The following TTC12 variants were observed in gnomAD, a reference collection of about 807,000 sequenced individuals.
The protein encoded by TTC12 is tetratricopeptide repeat protein 12.
Under a neutral mutation model 90.1 loss-of-function variants are expected in TTC12, and 70 were observed. That is an observed-to-expected ratio of 0.78 (90% CI 0.64 to 0.95). TTC12 has a LOEUF of 0.95. Ranked by LOEUF, TTC12 falls within the 40% of genes least tolerant of loss-of-function variation. The probability of loss-of-function intolerance (pLI) is 0.00; values close to 1 mark genes in which losing one functional copy is unlikely to be tolerated. For synonymous variants in TTC12, 296 were observed against 311.5 expected, an observed-to-expected ratio of 0.95 and a Z score of 0.53; for missense variants, 819 against 846.1, an observed-to-expected ratio of 0.97 and a Z score of 0.40.
intron 21 of TTC12, chr11:113,365,622 T>G: frequency 5.6e-6 from 1 of 177,402 alleles, no homozygotes; most frequent in African/African-American, 2.3e-5. Context: ...CCATGGCTTC[T>G]CTGTTAGCTC....
intron 11 of TTC12, 84 bp downstream of exon 11, chr11:113,340,817 C>T: frequency 8.3e-7 from 1 of 1,199,356 alleles, no homozygotes. Context: ...GGCACATAGA[C>T]AGTCACGTTT....
chr11:113,358,403 G>A (rs1313039556), intron 16 of TTC12, among the ~76,000 whole-genome samples: 1 of 152,154 alleles, frequency 6.6e-6, no homozygotes, highest in Non-Finnish European at 1.5e-5. Context: ...GCTCTCCACT[G>A]GTCAGGCATG....
At chr11:113,339,767 T>C (rs1462171662) in intron 10 of TTC12, among the ~76,000 whole-genome samples, 2 of 152,090 alleles carry the variant, frequency 1.3e-5, no homozygotes, top group African/African-American at 4.8e-5. Context: ...TGCACTCAGC[T>C]TTCACTCACT....
intron 13 of TTC12, 66 bp from the exon 14 acceptor site, chr11:113,350,007 G>A (rs555852868): frequency 2.3e-6 from 3 of 1,319,096 alleles, no homozygotes; most frequent in African/African-American, 2.9e-5. Context: ...TCCTTGCAAG[G>A]TTACCCTGTT....
intron 12 of TTC12, among the ~76,000 whole-genome samples, chr11:113,342,979 CTTAAAG>C (rs1948762165): frequency 6.6e-6 from 1 of 152,172 alleles, no homozygotes; most frequent in African/African-American, 2.4e-5. Context: ...TTCTGTGAAC[CTTAAAG>C]TTACATTTTT....
At chr11:113,373,082 C>T (rs1298472417) in intron 21 of TTC12, 2 of 443,718 alleles carry the variant, frequency 4.5e-6, no homozygotes, top group African/African-American at 4.3e-5. Context: ...GGTTTCAGAT[C>T]TGTCTAATGA....
At chr11:113,362,816 C>T (rs144674756) in intron 19 of TTC12, among the ~76,000 whole-genome samples, 18 of 152,182 alleles carry the variant, frequency 1.2e-4, no homozygotes, top group Non-Finnish European at 2.5e-4. Context: ...CTTTCTGTAA[C>T]GTTTCTCAGG....
chr11:113,335,000 TG>T lies in TTC12; in HGVS notation c.542del (p.Gly181GlufsTer7). On this transcript the variant is annotated frameshift_variant, in exon 8 of 22. Transcript: ENST00000529221. LOFTEE classifies it high-confidence loss of function. ...AAATGCACAAAAGCATATTTTCACA[TG>T]GGAAAAGCCAACCTGGCCCTGAAGA... The part of the protein sequence containing the change: ...DEKCTKAYFH[M>X]GKANLALKNY... 1 of 1,614,004 alleles carries T rather than the reference TG, an allele frequency of 6.2e-7. No homozygotes were observed. Among genetic ancestry groups the T allele is most frequent in the Non-Finnish European group, 8.5e-7 (1 of 1,179,880 alleles).
intron 7 of TTC12, among the ~76,000 whole-genome samples, chr11:113,334,118 A>G (rs1201342277): frequency 6.6e-6 from 1 of 152,202 alleles, no homozygotes; most frequent in Non-Finnish European, 1.5e-5. Context: ...ACCCCGGGAC[A>G]TTTTAGACTC....
intron 16 of TTC12, among the ~76,000 whole-genome samples, chr11:113,356,203 T>C (rs1182191134): frequency 6.6e-6 from 1 of 152,248 alleles, no homozygotes; most frequent in Non-Finnish European, 1.5e-5. Flanking sequence ...ATCCCTTCTT[T>C]GTCTTTTTTG....
downstream of TTC12, among the ~76,000 whole-genome samples, chr11:113,369,412 T>G: frequency 1.4e-5 from 2 of 142,504 alleles, no homozygotes; most frequent in South Asian, 2.3e-4. Context: ...CGAGCCACCA[T>G]GCCCGCCCCC....
At chr11:113,325,690 G>A (rs1445848797) in intron 6 of TTC12, 45 bp downstream of exon 6, 17 of 1,604,970 alleles carry the variant, frequency 1.1e-5, no homozygotes, top group Non-Finnish European at 1.4e-5. Flanking sequence ...TCAGGGAATA[G>A]TTGCCACTAA....
chr11:113,334,806 C>G, intron 7 of TTC12, 160 bp from the exon 8 acceptor site: 1 of 566,166 alleles, frequency 1.8e-6, no homozygotes. Context: ...TTGCAGGCAT[C>G]AATTAGTTTG....
intron 20 of TTC12, 159 bp from the exon 21 acceptor site, chr11:113,364,676 A>G (rs1050070910): frequency 6.3e-6 from 4 of 635,036 alleles, no homozygotes; most frequent in Admixed American, 4.8e-5. Flanking sequence ...ATATGCATTC[A>G]GTGAATGTTT....
chr11:113,368,499 C>A (rs926411606), downstream of TTC12: 1 of 1,550,048 alleles, frequency 6.5e-7, no homozygotes, highest in Non-Finnish European at 8.7e-7. Flanking sequence ...AGCAGAGGAG[C>A]TGGGATTTTC....
rs782329774 is a variant in TTC12, at chr11:113,329,673, C to T, written c.445-247C>T. The T allele has an allele frequency of 1.4e-5, 8 of 580,462 alleles. No homozygotes were observed. The African/African-American group carries it at 1.5e-4, about 11-fold the overall frequency. 36.0% of individuals were successfully genotyped at this position (580,462 alleles called of 1,614,324 possible). ...TAATGGCTGTCCACTGTTGCTAGCC[C>T]TGCGATTCTGTAGCATCCCTTGTCA... On this transcript the variant is annotated intron_variant, in intron 6 of 21. Coordinates refer to ENST00000529221, the MANE Select transcript of TTC12 (RefSeq NM_017868.4).
chr11:113,328,554 T>TC (rs1947833742), intron 6 of TTC12, among the ~76,000 whole-genome samples: 1 of 151,852 alleles, frequency 6.6e-6, no homozygotes, highest in South Asian at 2.1e-4. Context: ...TCTACTTCTT[T>TC]CATTTTTTTT....
At chr11:113,334,419 G>GT (rs1475838053) in intron 7 of TTC12, among the ~76,000 whole-genome samples, 3 of 149,562 alleles carry the variant, frequency 2.0e-5, no homozygotes, top group Admixed American at 2.0e-4. Context: ...CAGTACACAT[G>GT]TTGTGGTTTA....
chr11:113,338,828 G>T lies in TTC12; in HGVS notation c.631G>T (p.Val211Leu). The T allele has an allele frequency of 6.2e-7, 1 of 1,613,994 alleles. No homozygotes were observed. The highest frequency in any genetic ancestry group is 8.5e-7 in the Non-Finnish European group (1 of 1,179,898). ...AATAAACCCCAAGCTGCAAACCCAG[G>T]TGAAAGGTGAGCACGTTCCTGCTGA... ...LEINPKLQTQ[V>L]KGYLNQVDLQ... is the part of the protein sequence containing the mutation. Residue 211 changes from valine (V) to leucine (L), a missense_variant, in exon 9 of 22, where the codon GTG (valine) becomes TTG (leucine). By Grantham distance (32) the Val-to-Leu change is conservative. Coordinates refer to ENST00000529221, the MANE Select transcript of TTC12 (RefSeq NM_017868.4).
Sources: allele counts gnomAD v4.1 joint callset (sites outside exome capture counted in the v4.1 genomes callset), GRCh38; gene constraint gnomAD v4.1.1; transcripts MANE v1.5; gene names NCBI Gene and HGNC (gene_info 2026-07-23, HGNC 2026-07-21).